Variants in EFNA5 observed in about 807,000 individuals in gnomAD.
The protein encoded by EFNA5 is ephrin A5.
EFNA5 carries 5 observed loss-of-function variants against 22.9 expected under a neutral mutation model. The ratio of observed to expected loss-of-function variants is 0.22; its 90% CI spans 0.11 to 0.46. The LOEUF is 0.46. Among genes scored for constraint, EFNA5 ranks in the 20% least tolerant of loss-of-function variants. The probability of loss-of-function intolerance (pLI) is 0.99; values close to 1 mark genes in which losing one functional copy is unlikely to be tolerated. For missense variants in EFNA5, 237 were observed against 293.3 expected (o/e 0.81, Z 1.40); for synonymous variants, 113 against 112.2 (o/e 1.01, Z -0.04).
chr5:107,405,983 A>G lies in EFNA5; in HGVS notation c.419-18212T>C, dbSNP rs861080. On this transcript the variant is annotated intron_variant, in intron 2 of 4. Coordinates refer to ENST00000333274, the MANE Select transcript of EFNA5 (RefSeq NM_001962.3). Reference sequence around the variant, plus strand: ...ATACATAGAATGTATAAAAATACCTATATTTGTATACATATTCTATGTATT... The same window carrying G: ...ATACATAGAATGTATAAAAATACCTGTATTTGTATACATATTCTATGTATT... 2.3e-3 allele frequency among the ~76,000 whole-genome samples: 255 copies of G among 112,672 alleles called. 2 individuals carry two copies. The highest frequency in any genetic ancestry group is 8.5e-3 in the African/African-American group (243 of 28,670). The allele number at this position is 112,672 out of a possible 152,430, so 73.9% of individuals were successfully genotyped here. A position where few individuals can be genotyped will look rare whatever the true frequency, so the allele number is the denominator to read the frequency against.
intron 2 of EFNA5, among the ~76,000 whole-genome samples, chr5:107,397,416 G>A (rs1194238394): frequency 1.3e-5 from 2 of 152,078 alleles, no homozygotes; most frequent in Non-Finnish European, 2.9e-5. Flanking sequence ...GGGCGTGGTG[G>A]CAGGCGCCTG....
intron 1 of EFNA5, among the ~76,000 whole-genome samples, chr5:107,523,111 C>A (rs891482666): frequency 1.3e-5 from 2 of 152,120 alleles, no homozygotes; most frequent in East Asian, 1.9e-4. Context: ...TTTATTTTAA[C>A]CAACTATGGC....
intron 1 of EFNA5, among the ~76,000 whole-genome samples, chr5:107,588,246 G>A (rs79467624): frequency 1.3e-5 from 2 of 150,570 alleles, no homozygotes; most frequent in Non-Finnish European, 1.5e-5. Context: ...AAAAAAAAAA[G>A]CAACAGAGAT....
chr5:107,640,976 GTAGATAGATAGATAGATAGATAGA>G (rs55898305), intron 1 of EFNA5, among the ~76,000 whole-genome samples: 1 of 145,568 alleles, frequency 6.9e-6, no homozygotes, highest in East Asian at 2.1e-4. Context: ...AGGTAGGCAG[GTAGATAGATAGATAGATAGATAGA>G]TAGATAGATA....
intron 1 of EFNA5, among the ~76,000 whole-genome samples, chr5:107,654,759 TAG>T (rs1750790768): frequency 6.6e-6 from 1 of 152,116 alleles, no homozygotes; most frequent in African/African-American, 2.4e-5. Context: ...CAAAGAGAAA[TAG>T]AGATAATTCA....
chr5:107,557,584 C>T (rs1288456765), intron 1 of EFNA5, among the ~76,000 whole-genome samples: 1 of 152,132 alleles, frequency 6.6e-6, no homozygotes, highest in East Asian at 1.9e-4. Flanking sequence ...GAATTCAATC[C>T]TGGTTAGTGT....
intron 1 of EFNA5, among the ~76,000 whole-genome samples, chr5:107,613,541 T>A (rs1261913171): frequency 6.6e-6 from 1 of 152,090 alleles, no homozygotes; most frequent in South Asian, 2.1e-4. Flanking sequence ...ATCATGCTTC[T>A]AGAGTGAAAT....
intron 1 of EFNA5, among the ~76,000 whole-genome samples, chr5:107,592,564 G>A (rs2112505440): frequency 6.6e-6 from 1 of 152,222 alleles, no homozygotes; most frequent in African/African-American, 2.4e-5. Flanking sequence ...GAGGAAATGA[G>A]ACAGACCAAC....
chr5:107,505,040 G>A (rs1747221669), intron 1 of EFNA5, among the ~76,000 whole-genome samples: 1 of 152,056 alleles, frequency 6.6e-6, no homozygotes, highest in Admixed American at 6.6e-5. Context: ...AAAAACTACT[G>A]TGACATTAAT....
In EFNA5 at chr5:107,532,782, C is replaced by T. The variant is rs183539691; in HGVS notation, c.126-105273G>A. ...TGCCAAATATGCTGGCTTTAAAATG[C>T]CATGTGAAGCAGAGAATATTTTAAA... On this transcript the variant is annotated intron_variant, in intron 1 of 4. Transcript: ENST00000333274. Among the ~76,000 whole-genome samples, 46 of 152,262 alleles carry T rather than the reference C, an allele frequency of 3.0e-4. 1 individual carries two copies. The Middle Eastern group carries it at 0.017, about 56-fold the overall frequency.
chr5:107,497,806 T>G (rs1450200912), intron 1 of EFNA5, among the ~76,000 whole-genome samples: 1 of 152,252 alleles, frequency 6.6e-6, no homozygotes, highest in East Asian at 1.9e-4. Context: ...AACTTTCAAT[T>G]TCTCATGATG....
intron 1 of EFNA5, among the ~76,000 whole-genome samples, chr5:107,608,572 G>T (rs26724): frequency 6.6e-6 from 1 of 152,000 alleles, no homozygotes; most frequent in Non-Finnish European, 1.5e-5. Context: ...TCATGGTGCC[G>T]GGAGGCCACC....
intron 1 of EFNA5, among the ~76,000 whole-genome samples, chr5:107,642,831 T>C (rs1320756030): frequency 6.6e-6 from 1 of 151,850 alleles, no homozygotes. Context: ...CAGAGTTCCA[T>C]GGTGGAGAGT....
intron 1 of EFNA5, among the ~76,000 whole-genome samples, chr5:107,503,687 G>C (rs1747187705): frequency 6.6e-6 from 1 of 152,132 alleles, no homozygotes; most frequent in Admixed American, 6.5e-5. Flanking sequence ...AAATTATAAA[G>C]AGATAAGGTC....
At chr5:107,530,102 C>G (rs1305924832) in intron 1 of EFNA5, among the ~76,000 whole-genome samples, 2 of 152,164 alleles carry the variant, frequency 1.3e-5, no homozygotes, top group African/African-American at 4.8e-5. Context: ...GATTATGAAG[C>G]AGTAACGACC....
chr5:107,666,328 A>C (rs1047063863), intron 1 of EFNA5, among the ~76,000 whole-genome samples: 1 of 152,126 alleles, frequency 6.6e-6, no homozygotes, highest in Non-Finnish European at 1.5e-5. Flanking sequence ...GGAAAAAAAA[A>C]ATGTTACTAC....
rs778509324 is a variant in EFNA5, at chr5:107,391,230, T to G, written c.419-3459A>C. Among the ~76,000 whole-genome samples the G allele has an allele frequency of 1.6e-4, 24 of 152,306 alleles. No individual in the cohort carries two copies. The South Asian group carries it at 4.1e-3, about 26-fold the overall frequency. On this transcript the variant is annotated intron_variant, in intron 2 of 4. Coordinates refer to ENST00000333274, the MANE Select transcript of EFNA5 (RefSeq NM_001962.3). ...ATTAGGTGCTGTGCATGCGAAGATA[T>G]ATAAGATTTCAAACTGTCCCTGCCC...
intron 1 of EFNA5, among the ~76,000 whole-genome samples, chr5:107,610,665 T>C (rs1561448808): frequency 6.6e-6 from 1 of 152,212 alleles, no homozygotes; most frequent in Non-Finnish European, 1.5e-5. Flanking sequence ...TTTTGATTAT[T>C]TTTCAGTGCA....
At chr5:107,454,908 G>C (rs1561393681) in intron 1 of EFNA5, among the ~76,000 whole-genome samples, 2 of 152,160 alleles carry the variant, frequency 1.3e-5, no homozygotes, top group Non-Finnish European at 2.9e-5. Context: ...AGAGAGGGAA[G>C]GAAGCTTTTA....
Sources: allele counts gnomAD v4.1 joint callset (sites outside exome capture counted in the v4.1 genomes callset), GRCh38; gene constraint gnomAD v4.1.1; transcripts MANE v1.5; gene names NCBI Gene and HGNC (gene_info 2026-07-23, HGNC 2026-07-21).